The following TMEM117 variants were observed in gnomAD, a reference collection of about 807,000 sequenced individuals.
TMEM117 encodes transmembrane protein 117.
In TMEM117, 27 loss-of-function variants were observed where a neutral mutation model predicts 52.4. That is an observed-to-expected ratio of 0.51 (90% CI 0.38 to 0.71). The LOEUF is 0.71. Among genes scored for constraint, TMEM117 ranks in the 30% least tolerant of loss-of-function variants. The pLI is 0.00. For missense variants in TMEM117, 556 were observed against 630.5 expected, an observed-to-expected ratio of 0.88 and a Z score of 1.26; for synonymous variants, 215 against 206.3, an observed-to-expected ratio of 1.04 and a Z score of -0.36.
intron 2 of TMEM117, among the ~76,000 whole-genome samples, chr12:43,882,062 A>G (rs1943906526): frequency 1.3e-5 from 2 of 151,944 alleles, no homozygotes. Context: ...ACAGAGCAAG[A>G]CTCCGTCTCA....
At chr12:43,846,534 A>G (rs557278070) in intron 2 of TMEM117, among the ~76,000 whole-genome samples, 3 of 152,350 alleles carry the variant, frequency 2.0e-5, no homozygotes, top group African/African-American at 2.4e-5. Flanking sequence ...TATTTATTCA[A>G]TAGATGTTCA....
rs528032930 is a variant in TMEM117 at position 43,984,163 on chromosome 12, T to C, written c.410+39821T>C. Among the ~76,000 whole-genome samples the C allele has an allele frequency of 3.9e-5, 6 of 151,928 alleles. No homozygotes were observed. In the South Asian group the frequency reaches 1.3e-3, roughly 32 times the overall value. On this transcript the variant is annotated intron_variant, in intron 3 of 7. Coordinates refer to ENST00000266534, the MANE Select transcript of TMEM117 (RefSeq NM_032256.3). Reference sequence around the variant, plus strand: ...CGGGTGGGTCACTTGAGGTCAGGAGTTTGAGGCCAGCCTGGCCAACATGGT... The same window carrying C: ...CGGGTGGGTCACTTGAGGTCAGGAGCTTGAGGCCAGCCTGGCCAACATGGT...
At chr12:43,809,887 G>A in the TMEM117 span, among the ~76,000 whole-genome samples, 1 of 152,104 alleles carries the variant, frequency 6.6e-6, no homozygotes, top group Non-Finnish European at 1.5e-5. Flanking sequence ...AACTCCTCAC[G>A]AAATGGAATA....
At chr12:44,290,326 T>A (rs1950689050) in intron 5 of TMEM117, among the ~76,000 whole-genome samples, 1 of 152,188 alleles carries the variant, frequency 6.6e-6, no homozygotes, top group Admixed American at 6.5e-5. Context: ...TTTTTCCCTG[T>A]TTTCTTATAA....
At chr12:44,115,309 C>T (rs550511044) in intron 3 of TMEM117, among the ~76,000 whole-genome samples, 141 of 151,836 alleles carry the variant, frequency 9.3e-4, no homozygotes, top group Middle Eastern at 3.4e-3. Flanking sequence ...GGCCTGTTGT[C>T]GGGTGGGGAG....
At chr12:43,927,443 GTTTTTGGTTTTT>G (rs1944797698) in intron 2 of TMEM117, among the ~76,000 whole-genome samples, 1 of 149,702 alleles carries the variant, frequency 6.7e-6, no homozygotes. Flanking sequence ...AATTTTTTTT[GTTTTTGGTTTTT>G]TTTTTGGTTT....
At chr12:44,341,424 T>C (rs753518338) in intron 6 of TMEM117, among the ~76,000 whole-genome samples, 9 of 152,268 alleles carry the variant, frequency 5.9e-5, no homozygotes, top group Non-Finnish European at 7.4e-5. Context: ...GTTCCATTCA[T>C]GTTGCTGTAA....
At chr12:44,076,776 G>A (rs1947389521) in intron 3 of TMEM117, among the ~76,000 whole-genome samples, 2 of 152,168 alleles carry the variant, frequency 1.3e-5, no homozygotes, top group South Asian at 4.1e-4. Flanking sequence ...TTTGAGAATG[G>A]TAGTAGATAA....
chr12:44,356,372 G>A (rs147278687), intron 6 of TMEM117, among the ~76,000 whole-genome samples: 2 of 152,212 alleles, frequency 1.3e-5, no homozygotes, highest in African/African-American at 4.8e-5. Flanking sequence ...TGAGTTCATA[G>A]TGTCAACAGC....
At chr12:43,831,239 G>A (rs1420352628), upstream of TMEM117, among the ~76,000 whole-genome samples, 2 of 152,112 alleles carry the variant, frequency 1.3e-5, no homozygotes, top group Admixed American at 6.6e-5. Flanking sequence ...GCATCATCCC[G>A]ACTGACCTAT....
chr12:43,991,137 A>T (rs959608244), intron 3 of TMEM117, among the ~76,000 whole-genome samples: 4 of 152,176 alleles, frequency 2.6e-5, no homozygotes, highest in Admixed American at 6.5e-5. Context: ...AGTGTGGGTG[A>T]CACTAGCGAT....
chr12:43,860,769 A>C (rs1268400943), intron 2 of TMEM117, among the ~76,000 whole-genome samples: 1 of 152,206 alleles, frequency 6.6e-6, no homozygotes, highest in African/African-American at 2.4e-5. Context: ...AAGGCTTTAT[A>C]ACAAGCCTTC....
intron 5 of TMEM117, among the ~76,000 whole-genome samples, chr12:44,286,441 C>G (rs1362715435): frequency 6.6e-6 from 1 of 151,946 alleles, no homozygotes; most frequent in African/African-American, 2.4e-5. Context: ...CACATTTTTG[C>G]TACCAGTTTA....
intron 5 of TMEM117, among the ~76,000 whole-genome samples, chr12:44,252,038 T>C (rs1249581875): frequency 6.6e-6 from 1 of 152,224 alleles, no homozygotes; most frequent in African/African-American, 2.4e-5. Flanking sequence ...TCATCCTTCA[T>C]TGCTAGCCTT....
chr12:44,050,142 C>T (rs1280134861), intron 3 of TMEM117, among the ~76,000 whole-genome samples: 1 of 152,188 alleles, frequency 6.6e-6, no homozygotes, highest in Non-Finnish European at 1.5e-5. Context: ...ATCCAGACTA[C>T]AGTCTTTGTT....
At chr12:43,865,592 G>T (rs1943578764) in intron 2 of TMEM117, among the ~76,000 whole-genome samples, 1 of 151,992 alleles carries the variant, frequency 6.6e-6, no homozygotes, top group Non-Finnish European at 1.5e-5. Flanking sequence ...AGCTACTAGA[G>T]GGGCTGAGGC....
intron 5 of TMEM117, among the ~76,000 whole-genome samples, chr12:44,279,639 G>A (rs1452427071): frequency 6.6e-6 from 1 of 151,344 alleles, no homozygotes; most frequent in Non-Finnish European, 1.5e-5. Context: ...TCAGCCTCCT[G>A]AGAAGCTGAG....
intron 3 of TMEM117, among the ~76,000 whole-genome samples, chr12:44,093,514 G>T (rs1200314651): frequency 6.6e-6 from 1 of 152,092 alleles, no homozygotes; most frequent in African/African-American, 2.4e-5. Flanking sequence ...TCACAGTTTT[G>T]TATTAGACCA....
At chr12:44,303,564 G>T (rs1458337096) in intron 6 of TMEM117, among the ~76,000 whole-genome samples, 2 of 152,042 alleles carry the variant, frequency 1.3e-5, no homozygotes, top group Admixed American at 6.6e-5. Context: ...TAGAACTAGG[G>T]CATAAACAGA....
Sources: allele counts gnomAD v4.1 joint callset (sites outside exome capture counted in the v4.1 genomes callset), GRCh38; gene constraint gnomAD v4.1.1; transcripts MANE v1.5; gene names NCBI Gene and HGNC (gene_info 2026-07-23, HGNC 2026-07-21).